The following PDCD1LG2 variants were observed in gnomAD, a reference collection of about 807,000 sequenced individuals.
PDCD1LG2 encodes the protein B7 dendritic cell molecule.
Under a neutral mutation model 28.2 loss-of-function variants are expected in PDCD1LG2, and 32 were observed. The ratio of observed to expected loss-of-function variants is 1.13; its 90% CI spans 0.86 to 1.52. PDCD1LG2 has a LOEUF of 1.52. PDCD1LG2 is among the 40% of genes most tolerant of loss of function. The pLI is 0.00. For synonymous variants in PDCD1LG2, 116 were observed against 120.2 expected, an observed-to-expected ratio of 0.97 and a Z score of 0.23; for missense variants, 385 against 323.8, an observed-to-expected ratio of 1.19 and a Z score of -1.45.
In PDCD1LG2 at chr9:5,563,216, G is replaced by A. The variant is rs1816600849; in HGVS notation, c.816+5G>A. On this transcript the variant is annotated splice_donor_5th_base_variant and intron_variant, in intron 6 of 6. Transcript: ENST00000397747. ...AAGAGGGAAGTGAACAGTGCTGTGA[G>A]TAAGCATGATTTTTACTTTTCTTTC... The A allele has an allele frequency of 4.4e-6, 7 of 1,608,916 alleles. No homozygotes were observed. The highest frequency in any genetic ancestry group is 5.1e-6 in the Non-Finnish European group (6 of 1,176,224).
chr9:5,534,423 C>G (rs921178889), intron 2 of PDCD1LG2, among the ~76,000 whole-genome samples: 1 of 152,114 alleles, frequency 6.6e-6, no homozygotes, highest in East Asian at 1.9e-4. Context: ...GGGTCAGGGA[C>G]TGGAGGTGGG....
At chr9:5,558,206 G>A (rs1227246721) in intron 5 of PDCD1LG2, among the ~76,000 whole-genome samples, 1 of 152,166 alleles carries the variant, frequency 6.6e-6, no homozygotes, top group Non-Finnish European at 1.5e-5. Context: ...CCTCACGGTT[G>A]GGTAAGGAAA....
At chr9:5,528,198 T>C (rs12006315) in intron 2 of PDCD1LG2, among the ~76,000 whole-genome samples, 7,588 of 148,866 alleles carry the variant, frequency 0.051, 648 homozygotes, top group African/African-American at 0.17. Flanking sequence ...TGACTAATGA[T>C]ATTAAGTATA....
Position 5,562,738 on chromosome 9 carries a change from G to C in PDCD1LG2, c.767-424G>C, listed in dbSNP as rs547271343. Among the ~76,000 whole-genome samples the C allele has an allele frequency of 2.8e-4, 43 of 152,186 alleles. 1 individual carries two copies. Among genetic ancestry groups the C allele is most frequent in the Non-Finnish European group, 1.3e-4 (9 of 68,040 alleles). On this transcript the variant is annotated intron_variant, in intron 5 of 6. Coordinates refer to ENST00000397747, the MANE Select transcript of PDCD1LG2 (RefSeq NM_025239.4). ...TTGTGCTTCTGAACCAGTAACTTGA[G>C]TTACTTTGAGCCAGTATCAGTCACT...
chr9:5,521,289 G>A (rs1254505199), intron 1 of PDCD1LG2, among the ~76,000 whole-genome samples: 1 of 152,090 alleles, frequency 6.6e-6, no homozygotes, highest in East Asian at 1.9e-4. Flanking sequence ...TTCTAAAATT[G>A]GATAATAGTG....
rs1820550972 is a variant in PDCD1LG2 at position 5,534,899 on chromosome 9, T to C, written c.210T>C (p.Arg70=). 14 of 1,614,102 alleles carry C rather than the reference T, an allele frequency of 8.7e-6. No homozygotes were observed. The East Asian group carries it at 2.5e-4, about 28-fold the overall frequency. Residue 70 remains arginine, a synonymous_variant, in exon 3 of 7, where the codon CGT becomes CGC. Transcript: ENST00000397747. ...QKVENDTSPH[R]ERATLLEEQL... The stretch of plus-strand genomic sequence containing the variant: ...TGGAAAATGATACATCCCCACACCG[T>C]GAAAGAGCCACTTTGCTGGAGGAGC...
At position 5,570,782 on chromosome 9, in the gene PDCD1LG2, C is replaced by G. The variant is rs1393814692; in HGVS notation, c.*823C>G. On this transcript the variant is annotated 3_prime_UTR_variant, in exon 7 of 7. Coordinates refer to ENST00000397747, the MANE Select transcript of PDCD1LG2 (RefSeq NM_025239.4). Reference sequence around the variant, plus strand: ...ATCTGCAGCAATTTCAGATAAGTAGCTAAAATGGCCAAAGCCCCAAACTAA... The same window carrying G: ...ATCTGCAGCAATTTCAGATAAGTAGGTAAAATGGCCAAAGCCCCAAACTAA... 2.2e-5 allele frequency: 5 copies of G among 232,324 alleles called. No homozygotes were observed. Among genetic ancestry groups the G allele is most frequent in the Non-Finnish European group, 4.3e-5 (5 of 117,610 alleles). The allele number at this position is 232,324 out of a possible 1,614,324, so 14.4% of individuals were successfully genotyped here. A position where few individuals can be genotyped will look rare whatever the true frequency, so the allele number is the denominator to read the frequency against.
intron 3 of PDCD1LG2, among the ~76,000 whole-genome samples, chr9:5,538,670 A>G (rs1820631155): frequency 6.6e-6 from 1 of 151,918 alleles, no homozygotes; most frequent in Admixed American, 6.6e-5. Flanking sequence ...CCTGGGCGAC[A>G]GAGCGAGACT....
chr9:5,543,291 G>A (rs1461093680), intron 3 of PDCD1LG2, among the ~76,000 whole-genome samples: 1 of 152,120 alleles, frequency 6.6e-6, no homozygotes, highest in Non-Finnish European at 1.5e-5. Context: ...TGTAATCCCA[G>A]CACTTTGGGA....
intron 1 of PDCD1LG2, among the ~76,000 whole-genome samples, chr9:5,520,265 G>A (rs527673792): frequency 5.9e-5 from 9 of 152,280 alleles, no homozygotes; most frequent in East Asian, 3.9e-4. Context: ...AAACAGAATC[G>A]AGAGTCCAGA....
chr9:5,532,203 G>A (rs576696991), intron 2 of PDCD1LG2, among the ~76,000 whole-genome samples: 2 of 152,318 alleles, frequency 1.3e-5, no homozygotes, highest in East Asian at 1.9e-4. Context: ...TTTTACACAT[G>A]TACACTCACC....
intron 3 of PDCD1LG2, among the ~76,000 whole-genome samples, chr9:5,543,343 T>A (rs1423435740): frequency 1.3e-5 from 2 of 151,932 alleles, no homozygotes; most frequent in Admixed American, 1.3e-4. Context: ...ATCAAGATCA[T>A]CCTGGCTAAC....
intron 2 of PDCD1LG2, among the ~76,000 whole-genome samples, chr9:5,533,307 T>G (rs1820517910): frequency 6.6e-6 from 1 of 152,230 alleles, no homozygotes; most frequent in African/African-American, 2.4e-5. Context: ...GATGTAACAC[T>G]ACCTTTACTA....
chr9:5,523,165 G>A (rs1463429585), intron 2 of PDCD1LG2, among the ~76,000 whole-genome samples: 1 of 152,102 alleles, frequency 6.6e-6, no homozygotes, highest in Non-Finnish European at 1.5e-5. Context: ...CTATCCCTTT[G>A]GACTTGAAGA....
chr9:5,531,367 G>T (rs934806600), intron 2 of PDCD1LG2, among the ~76,000 whole-genome samples: 9 of 152,168 alleles, frequency 5.9e-5, no homozygotes, highest in Non-Finnish European at 1.0e-4. Flanking sequence ...CTCAAAGTTT[G>T]CATGTCTTAG....
chr9:5,521,206 A>G (rs1238308040), intron 1 of PDCD1LG2, among the ~76,000 whole-genome samples: 2 of 152,308 alleles, frequency 1.3e-5, no homozygotes, highest in African/African-American at 4.8e-5. Context: ...GCCAAGGGCC[A>G]TAGGGAAAGG....
rs1207207595 is a variant in PDCD1LG2 at position 5,570,865 on chromosome 9, G to A, written c.*906G>A. 1 of 232,690 alleles carries A rather than the reference G, an allele frequency of 4.3e-6. No homozygotes were observed. Among genetic ancestry groups the A allele is most frequent in the Non-Finnish European group, 8.5e-6 (1 of 117,796 alleles). 14.4% of individuals were successfully genotyped at this position (232,690 alleles called of 1,614,324 possible). A position where few individuals can be genotyped will look rare whatever the true frequency, so the allele number is the denominator to read the frequency against. On this transcript the variant is annotated 3_prime_UTR_variant, in exon 7 of 7. Transcript: ENST00000397747. ...ATTTGACTTTTCAGTGCCTCAGTTT[G>A]CACATCTGTAATACAGCAATGCTAA... is the stretch of plus-strand genomic sequence containing the variant.
chr9:5,569,082 G>A lies in PDCD1LG2; in HGVS notation c.817-872G>A, dbSNP rs1816721136. Among the ~76,000 whole-genome samples the A allele has an allele frequency of 6.6e-6, 1 of 152,198 alleles. No homozygotes were observed. The highest frequency in any genetic ancestry group is 2.4e-5 in the African/African-American group (1 of 41,448). On this transcript the variant is annotated intron_variant, in intron 6 of 6. Coordinates refer to ENST00000397747, the MANE Select transcript of PDCD1LG2 (RefSeq NM_025239.4). The surrounding 1 kb of genome is among the most constrained non-coding windows in gnomAD (Gnocchi z 4.1). The stretch of plus-strand genomic sequence containing the variant: ...CGTTCAGAGAGAAAGCCAGGTGTGA[G>A]ATAAGGGGGAAAGACTGTTAGGGCA...
chr9:5,519,585 C>G (rs944626220), intron 1 of PDCD1LG2, among the ~76,000 whole-genome samples: 5 of 152,200 alleles, frequency 3.3e-5, no homozygotes, highest in African/African-American at 1.2e-4. Context: ...CTTGGGCACT[C>G]TCTTTCCTAT....
Sources: allele counts gnomAD v4.1 joint callset (sites outside exome capture counted in the v4.1 genomes callset), GRCh38; gene constraint gnomAD v4.1.1; non-coding constraint Gnocchi (gnomAD v3.1); transcripts MANE v1.5; gene names NCBI Gene and HGNC (gene_info 2026-07-23, HGNC 2026-07-21).